The following XAB2 variants were observed in gnomAD, a reference collection of about 807,000 sequenced individuals.
The protein encoded by XAB2 is pre-mRNA-splicing factor SYF1.
In XAB2, 57 loss-of-function variants were observed where a neutral mutation model predicts 113.4. The ratio of observed to expected loss-of-function variants is 0.50; its 90% CI spans 0.41 to 0.63. The LOEUF (loss-of-function observed/expected upper bound fraction) is 0.63, where lower values mean the gene tolerates loss of function less well. Among genes scored for constraint, XAB2 ranks in the 20% least tolerant of loss-of-function variants. XAB2 has a pLI of 0.00. For missense variants in XAB2, 1,037 were observed against 1,233.3 expected (o/e 0.84, Z 2.38); for synonymous variants, 497 against 498.8 (o/e 1.00, Z 0.05).
At position 7,628,443 on chromosome 19, in the gene XAB2, C is replaced by A. The variant is rs1599375073; in HGVS notation, c.52-145G>T. 5 of 978,402 alleles carry A rather than the reference C, an allele frequency of 5.1e-6. No individual in the cohort carries two copies. The highest frequency in any genetic ancestry group is 2.6e-5 in the East Asian group (1 of 38,124). 60.6% of individuals were successfully genotyped at this position (978,402 alleles called of 1,614,324 possible). A position where few individuals can be genotyped will look rare whatever the true frequency, so the allele number is the denominator to read the frequency against. On this transcript the variant is annotated intron_variant, in intron 1 of 18. Transcript: ENST00000358368. This position sits in a 1 kb window ranked among gnomAD's most constrained non-coding sequence, Gnocchi z 4.6. The stretch of plus-strand genomic sequence containing the variant: ...CAAGGAAGTCAGGTCACCAGATGCC[C>A]AGGCACCAAACCAGATGCCCGACAC...
In XAB2 at chr19:7,624,281, C is replaced by G. The variant is rs377513983; in HGVS notation, c.967+20G>C. ...TCCACTCAGCTCTCTCCCCACCAGC[C>G]GGGGCCCCCAGAGGCTCACCCTCCT... is the stretch of plus-strand genomic sequence containing the variant. On this transcript the variant is annotated intron_variant, in intron 7 of 18. Transcript: ENST00000358368. The surrounding 1 kb of genome is among the most constrained non-coding windows in gnomAD (Gnocchi z 4.2). 6.2e-7 allele frequency: 1 copy of G among 1,611,578 alleles called. No homozygotes were observed. Among genetic ancestry groups the G allele is most frequent in the Non-Finnish European group, 8.5e-7 (1 of 1,179,966 alleles).
rs2146190175 is a variant in XAB2, at chr19:7,627,950, G to A, written c.201-99C>T. 6.5e-7 allele frequency: 1 copy of A among 1,546,042 alleles called. No homozygotes were observed. The highest frequency in any genetic ancestry group is 1.2e-5 in the South Asian group (1 of 82,102). Reference sequence around the variant, plus strand: ...GTTGGCAAATGTGGGAAGAAGGGGTGTGGGAGGGGTGACATGTCTCAGCAA... The same window carrying A: ...GTTGGCAAATGTGGGAAGAAGGGGTATGGGAGGGGTGACATGTCTCAGCAA... On this transcript the variant is annotated intron_variant, in intron 2 of 18. Coordinates refer to ENST00000358368, the MANE Select transcript of XAB2 (RefSeq NM_020196.3). The surrounding 1 kb of genome is among the most constrained non-coding windows in gnomAD (Gnocchi z 4.5).
rs1177992095 is a variant in XAB2 at position 7,622,416 on chromosome 19, A to G, written c.1532T>C (p.Leu511Pro). The part of the protein sequence containing the change: ...QSTKAVYDRI[L>P]DLRIATPQIV... ...CTGGGGTGTTGCGATACGCAGGTCCAGGATGCGGTCGTACACGGCCTTGGT... is the reference window on the plus strand; with the variant it reads ...CTGGGGTGTTGCGATACGCAGGTCCGGGATGCGGTCGTACACGGCCTTGGT... The change falls in exon 12 of 19, where the codon CTG (leucine) becomes CCG (proline). Residue 511 changes from leucine to proline, a missense_variant. Leu to Pro is a moderately conservative substitution (Grantham distance 98, BLOSUM62 -3). Transcript: ENST00000358368. The G allele has an allele frequency of 8.7e-6, 14 of 1,614,092 alleles. No individual in the cohort carries two copies. Among genetic ancestry groups the G allele is most frequent in the Non-Finnish European group, 1.2e-5 (14 of 1,180,050 alleles).
chr19:7,623,267 G>C lies in XAB2; in HGVS notation c.1142C>G (p.Ala381Gly), dbSNP rs185147351. ...CTTGAAGGGGTCCACCGTCTGCACA[G>C]CCTCTGTGTAGGTGTTGATGATCTG... ...PREIINTYTE[A>G]VQTVDPFKAT... The change falls in exon 9 of 19, where the codon GCT becomes GGT. Residue 381 changes from alanine (A) to glycine (G), a missense_variant. Physicochemically the swap from Ala to Gly is moderately conservative, Grantham distance 60 (BLOSUM62 0). Transcript: ENST00000358368. This position sits in a 1 kb window ranked among gnomAD's most constrained non-coding sequence, Gnocchi z 4.6. 79 of 1,613,702 alleles carry C rather than the reference G, an allele frequency of 4.9e-5. No individual in the cohort carries two copies. In the East Asian group the frequency reaches 1.7e-3, roughly 34 times the overall value.
At position 7,620,086 on chromosome 19, in the gene XAB2, G is replaced by T. The variant is rs2030996473; in HGVS notation, c.2267-11C>A. The T allele has an allele frequency of 1.2e-6, 2 of 1,609,978 alleles. No individual in the cohort carries two copies. The highest frequency in any genetic ancestry group is 1.7e-6 in the Non-Finnish European group (2 of 1,179,840). On this transcript the variant is annotated splice_polypyrimidine_tract_variant and intron_variant, in intron 16 of 18. Transcript: ENST00000358368. ...GGGCCAGGTCAGACACTAGGGGGTGGGAGCAGGGGGTCAGCGCCACGGGGG... is the reference window on the plus strand; with the variant it reads ...GGGCCAGGTCAGACACTAGGGGGTGTGAGCAGGGGGTCAGCGCCACGGGGG...
chr19:7,627,249 G>A lies in XAB2; in HGVS notation c.516C>T (p.Phe172=), dbSNP rs529347044. ...PETAVRGYRR[F]LKLSPESAEE... ...GCGCACCTGCTAGGCTCACCTTGAG[G>A]AAGCGCCGATAGCCTCGCACAGCTG... is the stretch of plus-strand genomic sequence containing the variant. The change falls in exon 4 of 19, where the codon TTC becomes TTT. Residue 172 remains phenylalanine (F), a synonymous_variant. Coordinates refer to ENST00000358368, the MANE Select transcript of XAB2 (RefSeq NM_020196.3). The surrounding 1 kb of genome is among the most constrained non-coding windows in gnomAD (Gnocchi z 4.5). The A allele has an allele frequency of 6.2e-7, 1 of 1,612,590 alleles. No individual in the cohort carries two copies. Among genetic ancestry groups the A allele is most frequent in the Non-Finnish European group, 8.5e-7 (1 of 1,179,966 alleles).
chr19:7,621,500 G>A, intron 12 of XAB2: 1 of 608,396 alleles, frequency 1.6e-6, no homozygotes, highest in Non-Finnish European at 2.9e-6. Flanking sequence ...AAGAACAGGG[G>A]TGCAATGGGA....
In XAB2 at chr19:7,628,446, G is replaced by A; in HGVS notation, c.52-148C>T. 1.1e-6 allele frequency: 1 copy of A among 944,024 alleles called. No homozygotes were observed. The highest frequency in any genetic ancestry group is 1.6e-6 in the Non-Finnish European group (1 of 637,362). The allele number at this position is 944,024 out of a possible 1,614,324, so 58.5% of individuals were successfully genotyped here. ...GGAAGTCAGGTCACCAGATGCCCAG[G>A]CACCAAACCAGATGCCCGACACCAA... On this transcript the variant is annotated intron_variant, in intron 1 of 18. Coordinates refer to ENST00000358368, the MANE Select transcript of XAB2 (RefSeq NM_020196.3). This position sits in a 1 kb window ranked among gnomAD's most constrained non-coding sequence, Gnocchi z 4.6.
chr19:7,621,495 CAG>C (rs2031033537), intron 12 of XAB2, 198 bp from the exon 13 acceptor site: 2 of 617,458 alleles, frequency 3.2e-6, no homozygotes, highest in African/African-American at 3.7e-5. Flanking sequence ...ACCCCAAGAA[CAG>C]GGGTGCAATG....
intron 15 of XAB2, 50 bp downstream of exon 15, chr19:7,620,497 A>G (rs1344038758): frequency 6.2e-7 from 1 of 1,608,234 alleles, no homozygotes. Context: ...GAGCTGGCTG[A>G]CTCCGCCGCA....
In XAB2 at chr19:7,626,196, G is replaced by C; in HGVS notation, c.597C>G (p.Arg199=). 1 of 1,613,732 alleles carries C rather than the reference G, an allele frequency of 6.2e-7. No homozygotes were observed. The highest frequency in any genetic ancestry group is 8.5e-7 in the Non-Finnish European group (1 of 1,180,024). The change falls in exon 5 of 19, where the codon CGC becomes CGG. Residue 199 remains arginine (R), a synonymous_variant. Coordinates refer to ENST00000358368, the MANE Select transcript of XAB2 (RefSeq NM_020196.3). ...GCTCGTCGTTCACCACGGTGGCCAG[G>C]CGCTGGGCGGCCTCATCCAGCCGGT... The part of the protein sequence containing the change: ...SSDRLDEAAQ[R]LATVVNDERF...
intron 4 of XAB2, 78 bp from the exon 5 acceptor site, chr19:7,626,348 C>G (rs570580651): frequency 6.4e-7 from 1 of 1,551,356 alleles, no homozygotes; most frequent in African/African-American, 1.3e-5. Context: ...GGCTTCGGGG[C>G]GTCCCCCCCC....
Position 7,626,056 on chromosome 19 carries a change from G to C in XAB2, c.658-12C>G. 1.2e-6 allele frequency: 2 copies of C among 1,608,146 alleles called. No homozygotes were observed. The highest frequency in any genetic ancestry group is 1.7e-6 in the Non-Finnish European group (2 of 1,175,578). On this transcript the variant is annotated splice_polypyrimidine_tract_variant and intron_variant, in intron 5 of 18. Coordinates refer to ENST00000358368, the MANE Select transcript of XAB2 (RefSeq NM_020196.3). ...AGCTCGTGCCACAGCTGCAGGGCAT[G>C]GGGCAGTGGGGGAGAGTCTCAGGCT... is the stretch of plus-strand genomic sequence containing the variant.
rs371764489 is a variant in XAB2 at position 7,623,640 on chromosome 19, T to C, written c.1119+91A>G. 1.9e-4 allele frequency: 282 copies of C among 1,487,424 alleles called. No individual in the cohort carries two copies. The East Asian group carries it at 4.1e-3, about 22-fold the overall frequency. 92.1% of individuals were successfully genotyped at this position (1,487,424 alleles called of 1,614,324 possible). Reference sequence around the variant, plus strand: ...GACCTACTAAGCAAAGTCAGGCCCCTAGAAGGTGACATTATGGGTGAAGGT... The same window carrying C: ...GACCTACTAAGCAAAGTCAGGCCCCCAGAAGGTGACATTATGGGTGAAGGT... On this transcript the variant is annotated intron_variant, in intron 8 of 18. Coordinates refer to ENST00000358368, the MANE Select transcript of XAB2 (RefSeq NM_020196.3). The surrounding 1 kb of genome is among the most constrained non-coding windows in gnomAD (Gnocchi z 4.6).
At position 7,629,498 on chromosome 19, in the gene XAB2, G is replaced by C. The variant is rs751055113; in HGVS notation, c.30C>G (p.Pro10=). The change falls in exon 1 of 19, where the codon CCC becomes CCG. Residue 10 remains proline, a synonymous_variant. Coordinates refer to ENST00000358368, the MANE Select transcript of XAB2 (RefSeq NM_020196.3). ...TCACGAAGACAAGGTCCGGCCGCTCGGGCCGCGAGAGTCGCGCCATCACCA... is the reference window on the plus strand; with the variant it reads ...TCACGAAGACAAGGTCCGGCCGCTCCGGCCGCGAGAGTCGCGCCATCACCA... MVVMARLSR[P]ERPDLVFEEE... is the part of the protein sequence containing the mutation. 6.2e-7 allele frequency: 1 copy of C among 1,604,108 alleles called. No homozygotes were observed. Among genetic ancestry groups the C allele is most frequent in the African/African-American group, 1.3e-5 (1 of 74,768 alleles).
chr19:7,628,015 C>T lies in XAB2; in HGVS notation c.200+135G>A, dbSNP rs1208893669. The stretch of plus-strand genomic sequence containing the variant: ...TGGGACATCAGAGAAGGTGTGCTGA[C>T]CCATCAAGGGATGTACAGGTCAGTG... On this transcript the variant is annotated intron_variant, in intron 2 of 18. Coordinates refer to ENST00000358368, the MANE Select transcript of XAB2 (RefSeq NM_020196.3). The surrounding 1 kb of genome is among the most constrained non-coding windows in gnomAD (Gnocchi z 4.6). The T allele has an allele frequency of 4.3e-5, 62 of 1,457,002 alleles. No individual in the cohort carries two copies. The South Asian group carries it at 7.4e-4, about 17-fold the overall frequency. 90.3% of individuals were successfully genotyped at this position (1,457,002 alleles called of 1,614,324 possible). A position where few individuals can be genotyped will look rare whatever the true frequency, so the allele number is the denominator to read the frequency against.
rs746086170 is a variant in XAB2 at position 7,619,546 on chromosome 19, TTGGGGAGGGGG to T, written c.*29_*39del. The T allele has an allele frequency of 2.4e-5, 28 of 1,189,772 alleles. No individual in the cohort carries two copies. Among genetic ancestry groups the T allele is most frequent in the East Asian group, 4.8e-5 (1 of 20,952 alleles). 73.7% of individuals were successfully genotyped at this position (1,189,772 alleles called of 1,614,324 possible). ...ACCATGATGTACAAACGTAGCTGTA[TTGGGGAGGGGG>T]TGGGGAGGGGGGATGGGGGAGGGAC... On this transcript the variant is annotated 3_prime_UTR_variant, in exon 19 of 19. Coordinates refer to ENST00000358368, the MANE Select transcript of XAB2 (RefSeq NM_020196.3).
In XAB2 at chr19:7,619,558, TGGGGAGG is replaced by T. The variant is rs2146181884; in HGVS notation, c.*21_*27del. 1 of 790,416 alleles carries T rather than the reference TGGGGAGG, an allele frequency of 1.3e-6. No homozygotes were observed. Among genetic ancestry groups the T allele is most frequent in the Non-Finnish European group, 1.6e-6 (1 of 617,248 alleles). The allele number at this position is 790,416 out of a possible 1,614,324, so 49.0% of individuals were successfully genotyped here. A position where few individuals can be genotyped will look rare whatever the true frequency, so the allele number is the denominator to read the frequency against. On this transcript the variant is annotated 3_prime_UTR_variant, in exon 19 of 19. Transcript: ENST00000358368. ...AAACGTAGCTGTATTGGGGAGGGGG[TGGGGAGG>T]GGGGATGGGGGAGGGACGGGTCAGT... is the stretch of plus-strand genomic sequence containing the variant.
chr19:7,626,812 C>T (rs4134832), intron 4 of XAB2, among the ~76,000 whole-genome samples: 6,000 of 152,254 alleles, frequency 0.039, 414 homozygotes, highest in African/African-American at 0.14. Context: ...AGAATCCAAA[C>T]GTCATAAAAC....
Sources: allele counts gnomAD v4.1 joint callset (sites outside exome capture counted in the v4.1 genomes callset), GRCh38; gene constraint gnomAD v4.1.1; non-coding constraint Gnocchi (gnomAD v3.1); transcripts MANE v1.5; gene names NCBI Gene and HGNC (gene_info 2026-07-23, HGNC 2026-07-21).